The following GGT1 variants were observed in gnomAD, a reference collection of about 807,000 sequenced individuals.
GGT1 encodes the protein glutathione hydrolase 1 proenzyme.
A neutral mutation model predicts 56.0 loss-of-function variants in GGT1; 21 were observed. The ratio of observed to expected loss-of-function variants is 0.38; its 90% CI spans 0.27 to 0.54. The LOEUF is 0.54. Ranked by LOEUF, GGT1 falls within the 20% of genes least tolerant of loss-of-function variation. The probability of loss-of-function intolerance (pLI) is 0.82; values close to 1 mark genes in which losing one functional copy is unlikely to be tolerated. For synonymous variants in GGT1, 238 were observed against 342.6 expected (o/e 0.69, Z 3.37); for missense variants, 466 against 787.0 (o/e 0.59, Z 4.88).
upstream of GGT1, among the ~76,000 whole-genome samples, chr22:24,594,173 T>C (rs2045648180): frequency 6.6e-6 from 1 of 152,016 alleles, no homozygotes; most frequent in African/African-American, 2.4e-5. Flanking sequence ...GAAGCCTAGG[T>C]CTCTGCTGCA....
At chr22:24,621,858 C>T (rs1413466318) in intron 9 of GGT1, among the ~76,000 whole-genome samples, 1 of 151,722 alleles carries the variant, frequency 6.6e-6, no homozygotes, top group Non-Finnish European at 1.5e-5. Flanking sequence ...CAAGACCAGC[C>T]TGGCCAACAT....
chr22:24,602,688 G>A (rs559605880), upstream of GGT1, among the ~76,000 whole-genome samples: 18 of 152,298 alleles, frequency 1.2e-4, no homozygotes, highest in African/African-American at 3.9e-4. Flanking sequence ...ACTCCCTTCA[G>A]TCCAGGTGAC....
chr22:24,586,000 C>T, the GGT1 span: 1 of 1,610,852 alleles, frequency 6.2e-7, no homozygotes, highest in Non-Finnish European at 8.5e-7. Context: ...GGTCCAGGCC[C>T]TCGTAGATGG....
At chr22:24,598,039 CAG>C (rs2045723647) in intron 1 of GGT1, 1 of 152,244 alleles carries the variant, frequency 6.6e-6, no homozygotes, top group Non-Finnish European at 1.5e-5. Flanking sequence ...TCACACAACT[CAG>C]GGAGACCTGT....
At position 24,605,992 on chromosome 22, in the gene GGT1, ATATAATTTATATAATATAT is replaced by A; in HGVS notation, c.-428-1961_-428-1943del. Among the ~76,000 whole-genome samples, 2 of 58,190 alleles carry A rather than the reference ATATAATTTATATAATATAT, an allele frequency of 3.4e-5. 1 individual carries two copies. Among genetic ancestry groups the A allele is most frequent in the Non-Finnish European group, 5.9e-5 (2 of 33,614 alleles). The allele number at this position is 58,190 out of a possible 152,430, so 38.2% of individuals were successfully genotyped here. A position where few individuals can be genotyped will look rare whatever the true frequency, so the allele number is the denominator to read the frequency against. On this transcript the variant is annotated intron_variant, in intron 1 of 15. Coordinates refer to ENST00000400382, the MANE Select transcript of GGT1 (RefSeq NM_001288833.2). ...ATATAATATATCATATATTATATTT[ATATAATTTATATAATATAT>A]CATATATTATATTTATATAATTTAT...
intron 12 of GGT1, 72 bp downstream of exon 12, chr22:24,627,691 G>GT: frequency 6.4e-7 from 1 of 1,559,178 alleles, no homozygotes; most frequent in Non-Finnish European, 8.7e-7. Context: ...CACTTATCCA[G>GT]TAAGGTGGCT....
chr22:24,598,461 A>G (rs2147194139), upstream of GGT1, among the ~76,000 whole-genome samples: 1 of 152,072 alleles, frequency 6.6e-6, no homozygotes, highest in South Asian at 2.1e-4. Context: ...AAAAAAAAAA[A>G]AAAAAGATAA....
At chr22:24,591,725 G>T (rs2045573611), upstream of GGT1, among the ~76,000 whole-genome samples, 1 of 152,244 alleles carries the variant, frequency 6.6e-6, no homozygotes, top group Admixed American at 6.5e-5. Context: ...GCCTCTGGTT[G>T]TCTGGCTGAT....
intron 2 of GGT1, chr22:24,609,329 A>T (rs952672178): frequency 2.6e-5 from 4 of 151,824 alleles, no homozygotes; most frequent in African/African-American, 9.7e-5. Context: ...CACGGTGGGG[A>T]TGAGGGGCTG....
chr22:24,626,213 C>G (rs1162284141), intron 11 of GGT1, among the ~76,000 whole-genome samples: 2 of 149,230 alleles, frequency 1.3e-5, no homozygotes, highest in Non-Finnish European at 2.9e-5. Flanking sequence ...AGGATGGTCT[C>G]GATCTCCTGA....
chr22:24,591,391 T>G (rs1408444826), upstream of GGT1, among the ~76,000 whole-genome samples: 1 of 152,204 alleles, frequency 6.6e-6, no homozygotes, highest in Non-Finnish European at 1.5e-5. Flanking sequence ...GAGGGTCTCT[T>G]TAGAGGACAT....
At position 24,626,773 on chromosome 22, in the gene GGT1, C is replaced by T. The variant is rs886519995; in HGVS notation, c.1021-659C>T. 2.0e-5 allele frequency among the ~76,000 whole-genome samples: 3 copies of T among 151,338 alleles called. 1 individual carries two copies. Among genetic ancestry groups the T allele is most frequent in the African/African-American group, 4.9e-5 (2 of 40,954 alleles). On this transcript the variant is annotated intron_variant, in intron 11 of 15. Coordinates refer to ENST00000400382, the MANE Select transcript of GGT1 (RefSeq NM_001288833.2). ...AGCCTGCTCATTCCTCTGCCCTAAG[C>T]CTGCATGGCACAGAGCAAAAGCCAG...
chr22:24,627,063 G>A, intron 11 of GGT1: 1 of 438,912 alleles, frequency 2.3e-6, no homozygotes, highest in East Asian at 5.6e-5. Flanking sequence ...CTTTCCCTGT[G>A]TGTGTTTGTT....
chr22:24,588,392 G>A, the GGT1 span: 4 of 1,308,512 alleles, frequency 3.1e-6, no homozygotes, highest in Non-Finnish European at 3.3e-6. Context: ...AGGGCCTTGG[G>A]GAGAGGGACC....
Position 24,620,949 on chromosome 22 carries a change from G to A in GGT1, c.612G>A (p.Glu204=). ...VFCRDRKVLR[E]GERLTLPQLA... is the part of the protein sequence containing the mutation. ...GCCGGGATAGAAAGGTGCTTCGGGA[G>A]GGGGAGAGACTGACCCTGCCGCAGC... The change falls in exon 9 of 16, where the codon GAG becomes GAA. Residue 204 remains glutamate, a synonymous_variant. Transcript: ENST00000400382. This position sits in a 1 kb window ranked among gnomAD's most constrained non-coding sequence, Gnocchi z 5.6. 1.2e-6 allele frequency: 2 copies of A among 1,612,016 alleles called. No individual in the cohort carries two copies. The highest frequency in any genetic ancestry group is 8.5e-7 in the Non-Finnish European group (1 of 1,179,862).
the GGT1 span, among the ~76,000 whole-genome samples, chr22:24,586,635 G>A: frequency 6.6e-6 from 1 of 152,240 alleles, no homozygotes; most frequent in Non-Finnish European, 1.5e-5. Flanking sequence ...GGATTCAAGC[G>A]ATTCTCCTGC....
Position 24,614,922 on chromosome 22 carries a change from G to A in GGT1, c.295+16G>A. 6.2e-7 allele frequency: 1 copy of A among 1,611,910 alleles called. No homozygotes were observed. The highest frequency in any genetic ancestry group is 8.5e-7 in the Non-Finnish European group (1 of 1,178,746). ...AGCACCACACGTGAGTGCCTCGGGA[G>A]AGGAGAGGGAGAGGGGCAGGGGGTG... On this transcript the variant is annotated intron_variant, in intron 6 of 15. Coordinates refer to ENST00000400382, the MANE Select transcript of GGT1 (RefSeq NM_001288833.2).
At chr22:24,586,342 C>T in the GGT1 span, 202 of 1,613,796 alleles carry the variant, frequency 1.3e-4, no homozygotes, top group South Asian at 1.8e-4. Context: ...CGTCCTGTGT[C>T]GACAGCGGGA....
At chr22:24,601,610 G>T (rs1018176690), upstream of GGT1, among the ~76,000 whole-genome samples, 10 of 152,232 alleles carry the variant, frequency 6.6e-5, no homozygotes, top group Non-Finnish European at 1.5e-4. Flanking sequence ...GGAGGCCACA[G>T]TGGGCCCATT....
Sources: allele counts gnomAD v4.1 joint callset (sites outside exome capture counted in the v4.1 genomes callset), GRCh38; gene constraint gnomAD v4.1.1; non-coding constraint Gnocchi (gnomAD v3.1); transcripts MANE v1.5; gene names NCBI Gene and HGNC (gene_info 2026-07-23, HGNC 2026-07-21).